SCOC: variants seen among roughly 807,000 people sequenced by gnomAD.
SCOC encodes short coiled coil protein.
SCOC carries 7 observed loss-of-function variants against 9.9 expected under a neutral mutation model. The observed-to-expected ratio is 0.71, with a 90% CI of 0.40 to 1.33. The LOEUF (loss-of-function observed/expected upper bound fraction) is 1.33, where lower values mean the gene tolerates loss of function less well. Ranked by LOEUF, SCOC falls within the 40% of genes most tolerant of loss-of-function variation. The pLI is 0.01. For synonymous variants in SCOC, 19 were observed against 28.2 expected, an observed-to-expected ratio of 0.67 and a Z score of 1.03; for missense variants, 66 against 89.7, an observed-to-expected ratio of 0.74 and a Z score of 1.07.
In SCOC at chr4:140,273,264, C is replaced by T. The variant is rs1372011189; in HGVS notation, c.-19+15854C>T. On this transcript the variant is annotated intron_variant, in intron 1 of 4. Transcript: ENST00000394205. ...TTAAACAAACATCTGGACTGAAGGG[C>T]TGTGTAATCAGGTTTTATAAAATTA... Among the ~76,000 whole-genome samples the T allele has an allele frequency of 7.2e-5, 11 of 152,292 alleles. No homozygotes were observed. The East Asian group carries it at 1.9e-3, about 27-fold the overall frequency.
In SCOC at chr4:140,344,175, G is replaced by A. The variant is rs762881384; in HGVS notation, c.70+467G>A. ...GTTTGCTGAATTCAACATGAGAGAA[G>A]GAACCAAGTGGGAGAGCAGTTCTAA... On this transcript the variant is annotated intron_variant, in intron 2 of 4. Transcript: ENST00000338517. Among the ~76,000 whole-genome samples, 29 of 152,258 alleles carry A rather than the reference G, an allele frequency of 1.9e-4. No homozygotes were observed. The Middle Eastern group carries it at 0.017, about 89-fold the overall frequency.
At chr4:140,277,103 C>T (rs1382458421) in intron 1 of SCOC, among the ~76,000 whole-genome samples, 1 of 151,984 alleles carries the variant, frequency 6.6e-6, no homozygotes, top group Admixed American at 6.6e-5. Flanking sequence ...ATTGTTATTC[C>T]CCCTTGTAAA....
In SCOC at chr4:140,309,512, G is replaced by A. The variant is rs1392954517; in HGVS notation, c.-18-34109G>A. Among the ~76,000 whole-genome samples, 10 of 152,156 alleles carry A rather than the reference G, an allele frequency of 6.6e-5. No individual in the cohort carries two copies. The East Asian group carries it at 1.6e-3, about 24-fold the overall frequency. On this transcript the variant is annotated intron_variant, in intron 1 of 4. Coordinates refer to the SCOC transcript ENST00000394205. ...AGGCATTGTCACATCCTGTACTCTG[G>A]CCACCTCCCAGGCACATCCTTTTAC...
At chr4:140,278,615 G>A (rs2126412692) in intron 1 of SCOC, among the ~76,000 whole-genome samples, 1 of 152,196 alleles carries the variant, frequency 6.6e-6, no homozygotes, top group Non-Finnish European at 1.5e-5. Context: ...CCTTCACAAG[G>A]GTGGAGCCTT....
intron 1 of SCOC, among the ~76,000 whole-genome samples, chr4:140,335,373 G>T (rs1346615796): frequency 2.6e-5 from 4 of 152,166 alleles, no homozygotes; most frequent in Non-Finnish European, 5.9e-5. Context: ...GTAAAACACT[G>T]AGAATAGTTC....
chr4:140,365,782 A>G (rs1167484715), intron 2 of SCOC, among the ~76,000 whole-genome samples: 1 of 152,116 alleles, frequency 6.6e-6, no homozygotes, highest in Non-Finnish European at 1.5e-5. Context: ...TCTTAATAAC[A>G]TTTTCTTTTC....
At chr4:140,263,392 A>C (rs2126390298) in intron 1 of SCOC, among the ~76,000 whole-genome samples, 1 of 152,326 alleles carries the variant, frequency 6.6e-6, no homozygotes, top group East Asian at 1.9e-4. Context: ...AAGGGTGAGC[A>C]TGAGGCCGGG....
chr4:140,305,041 G>A (rs943732242), intron 1 of SCOC, among the ~76,000 whole-genome samples: 4 of 152,166 alleles, frequency 2.6e-5, no homozygotes, highest in African/African-American at 7.2e-5. Context: ...GCATGAGCTC[G>A]TCTCTGCCAC....
intron 1 of SCOC, among the ~76,000 whole-genome samples, chr4:140,330,866 A>G: frequency 6.6e-6 from 1 of 152,246 alleles, no homozygotes; most frequent in Non-Finnish European, 1.5e-5. Context: ...TAATACAAGA[A>G]TTTAATAGAT....
At chr4:140,308,208 G>C (rs1732046846) in intron 1 of SCOC, among the ~76,000 whole-genome samples, 1 of 152,188 alleles carries the variant, frequency 6.6e-6, no homozygotes, top group African/African-American at 2.4e-5. Context: ...GCTGCTAATT[G>C]TGCTAGTAAT....
intron 1 of SCOC, among the ~76,000 whole-genome samples, chr4:140,266,743 C>T (rs1730735340): frequency 6.6e-6 from 1 of 152,032 alleles, no homozygotes; most frequent in Non-Finnish European, 1.5e-5. Context: ...TATAATTACG[C>T]TGTATTCAGA....
intron 2 of SCOC, among the ~76,000 whole-genome samples, chr4:140,361,228 GT>G (rs34147327): frequency 0.024 from 3,446 of 145,560 alleles, 104 homozygotes; most frequent in African/African-American, 0.069. Flanking sequence ...ACGGCAGTGG[GT>G]TTTTTTTTTT....
intron 1 of SCOC, chr4:140,293,132 CTA>C: frequency 5.3e-6 from 2 of 378,296 alleles, no homozygotes; most frequent in Non-Finnish European, 5.2e-6. Context: ...GTGTTCCCCC[CTA>C]TATCTTTCAG....
At chr4:140,330,392 A>G (rs1411769020) in intron 1 of SCOC, among the ~76,000 whole-genome samples, 1 of 152,308 alleles carries the variant, frequency 6.6e-6, no homozygotes, top group Non-Finnish European at 1.5e-5. Context: ...GTAACCAAAC[A>G]CCACTTGTTC....
intron 1 of SCOC, among the ~76,000 whole-genome samples, chr4:140,289,638 T>C (rs925724650): frequency 1.3e-5 from 2 of 152,196 alleles, no homozygotes; most frequent in Non-Finnish European, 1.5e-5. Flanking sequence ...CCAGTGTAAG[T>C]GACTTGTCAC....
At chr4:140,373,394 C>T (rs1728147451), upstream of SCOC, 1 of 1,466,814 alleles carries the variant, frequency 6.8e-7, no homozygotes, top group Non-Finnish European at 9.0e-7. Flanking sequence ...CTTAGCTTCG[C>T]TTCTTTACTG....
intron 1 of SCOC, among the ~76,000 whole-genome samples, chr4:140,282,465 C>T (rs1731122730): frequency 6.6e-6 from 1 of 152,236 alleles, no homozygotes; most frequent in Admixed American, 6.5e-5. Flanking sequence ...TTTGCCTCCC[C>T]TGTCCCACCC....
intron 1 of SCOC, among the ~76,000 whole-genome samples, chr4:140,332,944 C>T (rs1377977866): frequency 6.6e-6 from 1 of 152,126 alleles, no homozygotes; most frequent in Non-Finnish European, 1.5e-5. Flanking sequence ...AACCAGAAGC[C>T]TCTCCTCTGC....
chr4:140,362,741 T>C (rs773352467), intron 2 of SCOC: 5 of 152,142 alleles, frequency 3.3e-5, no homozygotes, highest in African/African-American at 7.2e-5. Context: ...CTCCAGCTGG[T>C]GTGGTTCTCT....
Sources: gnomAD v4.1 joint callset for allele counts (sites outside exome capture counted in the v4.1 genomes callset) on GRCh38, gnomAD v4.1.1 for gene constraint, MANE v1.5 for transcripts, NCBI Gene and HGNC (gene_info 2026-07-23, HGNC 2026-07-21) for gene names.